P3H2: variants seen among roughly 807,000 people sequenced by gnomAD.
P3H2 encodes prolyl 3-hydroxylase 2.
P3H2 carries 80 observed loss-of-function variants against 87.0 expected under a neutral mutation model. That is an observed-to-expected ratio of 0.92 (90% CI 0.77 to 1.11). The LOEUF (loss-of-function observed/expected upper bound fraction) is 1.11. Among genes scored for constraint, P3H2 ranks in the 50% least tolerant of loss-of-function variants. The pLI, the probability that P3H2 is intolerant of heterozygous loss-of-function variation, is 0.00. For synonymous variants in P3H2, 367 were observed against 359.3 expected, an observed-to-expected ratio of 1.02 and a Z score of -0.24; for missense variants, 1,001 against 923.9, an observed-to-expected ratio of 1.08 and a Z score of -1.08.
chr3:189,981,702 GA>G (rs947838689), intron 8 of P3H2, among the ~76,000 whole-genome samples: 3 of 152,140 alleles, frequency 2.0e-5, no homozygotes, highest in East Asian at 1.9e-4. Flanking sequence ...GTAGCCAGGG[GA>G]AAAAAATGCT....
intron 8 of P3H2, among the ~76,000 whole-genome samples, chr3:189,975,038 T>C (rs780679933): frequency 2.0e-5 from 3 of 152,210 alleles, no homozygotes; most frequent in Non-Finnish European, 2.9e-5. Context: ...CCCTCATTCA[T>C]ACCTCTGTCG....
upstream of P3H2, chr3:190,120,984 C>T (rs1424570605): frequency 3.9e-6 from 2 of 506,442 alleles, no homozygotes; most frequent in Non-Finnish European, 6.6e-6. Context: ...GAGCCGCTCT[C>T]CCAGGCTCCC....
intron 1 of P3H2, among the ~76,000 whole-genome samples, chr3:190,055,880 T>C (rs544188391): frequency 1.6e-3 from 250 of 152,312 alleles, no homozygotes; most frequent in African/African-American, 5.8e-3. Flanking sequence ...TGCTTTGTAA[T>C]TGGGATTTAC....
chr3:189,989,311 A>G (rs914135085), intron 3 of P3H2, among the ~76,000 whole-genome samples: 2 of 151,914 alleles, frequency 1.3e-5, no homozygotes, highest in Non-Finnish European at 2.9e-5. Flanking sequence ...TCCCATGTAC[A>G]CTTTTTATAC....
At chr3:190,075,998 G>A (rs11714786) in intron 1 of P3H2, among the ~76,000 whole-genome samples, 21,411 of 152,026 alleles carry the variant, frequency 0.14, 1,880 homozygotes, top group Non-Finnish European at 0.2. Flanking sequence ...GCTTTGTCTT[G>A]TACTCCTCAT....
intron 1 of P3H2, among the ~76,000 whole-genome samples, chr3:190,114,433 A>G (rs58303174): frequency 0.14 from 21,654 of 151,636 alleles, 1,714 homozygotes; most frequent in Middle Eastern, 0.21. Context: ...TGATACGCCC[A>G]CCTCGGCCTC....
chr3:190,055,383 A>G (rs962914790), intron 1 of P3H2, among the ~76,000 whole-genome samples: 1 of 152,210 alleles, frequency 6.6e-6, no homozygotes, highest in South Asian at 2.1e-4. Context: ...TGAAATTCAC[A>G]TCAGTGCATT....
At chr3:189,967,568 T>C (rs922939137) in intron 13 of P3H2, among the ~76,000 whole-genome samples, 12 of 151,246 alleles carry the variant, frequency 7.9e-5, no homozygotes, top group Admixed American at 4.0e-4. Flanking sequence ...AGATCAGAAA[T>C]AAAATGCTTC....
At chr3:189,974,712 CCT>C in intron 8 of P3H2, 27 bp from the exon 9 acceptor site, 1 of 1,614,082 alleles carries the variant, frequency 6.2e-7, no homozygotes, top group Non-Finnish European at 8.5e-7. Context: ...CATTGTCTTC[CCT>C]GTTACCTCTG....
chr3:189,973,955 G>A lies in P3H2; in HGVS notation c.1502C>T (p.Thr501Ile), dbSNP rs377143113. The A allele has an allele frequency of 1.9e-6, 3 of 1,614,008 alleles. No individual in the cohort carries two copies. Among genetic ancestry groups the A allele is most frequent in the African/African-American group, 1.3e-5 (1 of 74,922 alleles). The part of the protein sequence containing the change: ...DGYRGKTSPH[T>I]PNEKFEGATV... ...TGCACCTTCAAACTTTTCATTGGGT[G>A]TATGGGGTGAAGTTTTTCCTCTGTA... Residue 501 changes from threonine (T) to isoleucine (I), a missense_variant, in exon 10 of 15, where the codon ACA (threonine) becomes ATA (isoleucine). By Grantham distance (89) the Thr-to-Ile change is moderately conservative (BLOSUM62 -1). Transcript: ENST00000319332.
chr3:190,077,657 T>A (rs1726913467), intron 1 of P3H2, among the ~76,000 whole-genome samples: 1 of 152,236 alleles, frequency 6.6e-6, no homozygotes, highest in Admixed American at 6.5e-5. Context: ...AGTGTCATTG[T>A]GAGACTCAAA....
intron 4 of P3H2, 95 bp from the exon 5 acceptor site, chr3:189,987,764 T>A: frequency 7.3e-7 from 1 of 1,370,874 alleles, no homozygotes; most frequent in African/African-American, 1.4e-5. Flanking sequence ...AGGTCAGCAT[T>A]AAACATGAAT....
intron 8 of P3H2, among the ~76,000 whole-genome samples, chr3:189,981,235 A>G (rs1252025538): frequency 6.6e-6 from 1 of 152,228 alleles, no homozygotes; most frequent in African/African-American, 2.4e-5. Flanking sequence ...TAGCTGGTCA[A>G]TGAGGGGTTG....
chr3:190,095,898 G>A (rs557828825), intron 1 of P3H2, among the ~76,000 whole-genome samples: 18 of 152,102 alleles, frequency 1.2e-4, no homozygotes, highest in East Asian at 3.9e-4. Context: ...CACCGCGCCC[G>A]GCCAAAAACA....
At chr3:190,053,202 A>C (rs1726038878) in intron 1 of P3H2, among the ~76,000 whole-genome samples, 1 of 152,162 alleles carries the variant, frequency 6.6e-6, no homozygotes, top group African/African-American at 2.4e-5. Flanking sequence ...ATTTTCTAAA[A>C]ACATTCAGAT....
rs982836030 is a variant in P3H2 at position 190,057,695 on chromosome 3, G to A, written c.481-62253C>T. ...GGCTGAGGCAAACAGATGATGTGGT[G>A]TGGCCTCTGTTTTAGACAGCTTTAT... is the stretch of plus-strand genomic sequence containing the variant. On this transcript the variant is annotated intron_variant, in intron 1 of 14. Coordinates refer to ENST00000319332, the MANE Select transcript of P3H2 (RefSeq NM_018192.4). Among the ~76,000 whole-genome samples, 38 of 152,280 alleles carry A rather than the reference G, an allele frequency of 2.5e-4. 1 individual carries two copies. The highest frequency in any genetic ancestry group is 2.4e-3 in the Admixed American group (36 of 15,274).
intron 1 of P3H2, among the ~76,000 whole-genome samples, chr3:190,070,983 A>G (rs1009534150): frequency 2.0e-5 from 3 of 152,266 alleles, no homozygotes; most frequent in African/African-American, 7.2e-5. Flanking sequence ...ACAATTTATT[A>G]GAACAATTTT....
In P3H2 at chr3:189,994,662, TTG is replaced by T. The variant is rs746215106; in HGVS notation, c.634-381_634-380del. On this transcript the variant is annotated intron_variant, in intron 2 of 14. Coordinates refer to ENST00000319332, the MANE Select transcript of P3H2 (RefSeq NM_018192.4). ...CACTTTTAGGCCCTGCCTGTGTTTT[TTG>T]TTTTTTTTTTTTAATATTTTCTAAA... Among the ~76,000 whole-genome samples, 237 of 67,254 alleles carry T rather than the reference TTG, an allele frequency of 3.5e-3. 1 individual carries two copies. Among genetic ancestry groups the T allele is most frequent in the African/African-American group, 8.9e-3 (221 of 24,864 alleles). 44.1% of individuals were successfully genotyped at this position (67,254 alleles called of 152,430 possible). A position where few individuals can be genotyped will look rare whatever the true frequency, so the allele number is the denominator to read the frequency against.
chr3:190,042,598 A>G (rs920265020), intron 1 of P3H2, among the ~76,000 whole-genome samples: 2 of 152,218 alleles, frequency 1.3e-5, no homozygotes, highest in Admixed American at 6.5e-5. Context: ...ATTAATGTAG[A>G]ATCTTCCTTC....
Sources: gnomAD v4.1 joint callset for allele counts (sites outside exome capture counted in the v4.1 genomes callset) on GRCh38, gnomAD v4.1.1 for gene constraint, MANE v1.5 for transcripts, NCBI Gene and HGNC (gene_info 2026-07-23, HGNC 2026-07-21) for gene names.